RBFOX1: variants seen among roughly 807,000 people sequenced by gnomAD.
RBFOX1 encodes RNA binding fox-1 homolog 1.
Under a neutral mutation model 57.7 loss-of-function variants are expected in RBFOX1, and 8 were observed. The ratio of observed to expected loss-of-function variants is 0.14; its 90% CI spans 0.08 to 0.25. The LOEUF is 0.25. RBFOX1 is among the 10% of genes least tolerant of loss of function. RBFOX1 has a pLI of 1.00. For missense variants in RBFOX1, 611 were observed against 548.5 expected, an observed-to-expected ratio of 1.11 and a Z score of -1.14; for synonymous variants, 326 against 222.4, an observed-to-expected ratio of 1.47 and a Z score of -4.15.
chr16:5,982,459 A>G (rs2060193228), intron 4 of RBFOX1, among the ~76,000 whole-genome samples: 1 of 151,916 alleles, frequency 6.6e-6, no homozygotes, highest in Non-Finnish European at 1.5e-5. Flanking sequence ...ATTTTTTAGT[A>G]GAGAAGGGGT....
chr16:5,910,220 C>A (rs1269423457), intron 4 of RBFOX1, among the ~76,000 whole-genome samples: 1 of 152,070 alleles, frequency 6.6e-6, no homozygotes, highest in African/African-American at 2.4e-5. Flanking sequence ...GAGAAGGGAA[C>A]TAAAGTGGGT....
At chr16:6,351,298 G>A (rs1270666755) in intron 2 of RBFOX1, among the ~76,000 whole-genome samples, 1 of 141,022 alleles carries the variant, frequency 7.1e-6, no homozygotes, top group Non-Finnish European at 1.5e-5. Context: ...AAATAATATT[G>A]TATACATAAA....
intron 2 of RBFOX1, among the ~76,000 whole-genome samples, chr16:5,598,562 A>G (rs1164554403): frequency 6.6e-6 from 1 of 152,220 alleles, no homozygotes; most frequent in Admixed American, 6.5e-5. Flanking sequence ...ATGTCTTTCT[A>G]ACATGTAATC....
At chr16:6,632,993 A>C (rs561425938) in intron 2 of RBFOX1, among the ~76,000 whole-genome samples, 1 of 152,266 alleles carries the variant, frequency 6.6e-6, no homozygotes, top group African/African-American at 2.4e-5. Flanking sequence ...AAATAAATAT[A>C]AAAAGGAGAG....
At chr16:5,731,338 T>C (rs1404617807) in intron 3 of RBFOX1, among the ~76,000 whole-genome samples, 2 of 152,212 alleles carry the variant, frequency 1.3e-5, no homozygotes, top group African/African-American at 2.4e-5. Context: ...ACCACTACTG[T>C]AATCACCATC....
At chr16:6,538,131 A>G (rs2096760764) in intron 2 of RBFOX1, among the ~76,000 whole-genome samples, 1 of 152,144 alleles carries the variant, frequency 6.6e-6, no homozygotes, top group African/African-American at 2.4e-5. Context: ...TTAGATTCAC[A>G]ATGCTGTGCA....
intron 2 of RBFOX1, among the ~76,000 whole-genome samples, chr16:6,537,025 C>T (rs182288566): frequency 2.0e-5 from 3 of 152,248 alleles, no homozygotes; most frequent in African/African-American, 7.2e-5. Context: ...TACAGTCCTA[C>T]GTACGGTAGG....
intron 4 of RBFOX1, among the ~76,000 whole-genome samples, chr16:7,375,478 C>T (rs1400130731): frequency 1.9e-4 from 29 of 151,642 alleles, no homozygotes. Context: ...ATTGGGCTCC[C>T]ATGTGTTACG....
intron 1 of RBFOX1, among the ~76,000 whole-genome samples, chr16:5,260,288 A>T (rs1440467291): frequency 5.9e-5 from 9 of 152,214 alleles, no homozygotes; most frequent in Non-Finnish European, 1.3e-4. Flanking sequence ...GTACAAAAAG[A>T]GAGAGAAATC....
intron 3 of RBFOX1, among the ~76,000 whole-genome samples, chr16:7,041,036 C>T (rs1597776778): frequency 6.6e-6 from 1 of 151,742 alleles, no homozygotes; most frequent in African/African-American, 2.4e-5. Flanking sequence ...CTGCCTCAGC[C>T]CCCTGAGTAG....
At chr16:7,301,755 TAAAGG>T (rs1359391427) in intron 4 of RBFOX1, among the ~76,000 whole-genome samples, 3 of 151,504 alleles carry the variant, frequency 2.0e-5, no homozygotes, top group African/African-American at 7.3e-5. Context: ...GAAAAAAAAA[TAAAGG>T]AAAGCAGTGC....
In RBFOX1 at chr16:5,664,272, G is replaced by A. The variant is rs569646395; in HGVS notation, c.318+65311G>A. Among the ~76,000 whole-genome samples the A allele has an allele frequency of 2.0e-3, 301 of 152,242 alleles. 1 individual carries two copies. Among genetic ancestry groups the A allele is most frequent in the South Asian group, 5.4e-3 (26 of 4,816 alleles). On this transcript the variant is annotated intron_variant, in intron 3 of 19. Transcript: ENST00000641259. ...ACTCTTTAAAAGTGGATTCCTGGCC[G>A]GGCGCAGTGGCTCACGCCTATAATC...
At chr16:6,640,910 C>T (rs1161121773) in intron 2 of RBFOX1, among the ~76,000 whole-genome samples, 2 of 152,050 alleles carry the variant, frequency 1.3e-5, no homozygotes, top group Admixed American at 6.6e-5. Context: ...ACCAGAAACC[C>T]CAGGTAGGCT....
At chr16:6,719,072 G>A (rs1388123201) in intron 3 of RBFOX1, among the ~76,000 whole-genome samples, 1 of 151,982 alleles carries the variant, frequency 6.6e-6, no homozygotes, top group Non-Finnish European at 1.5e-5. Context: ...TTGCCATGTT[G>A]CCCAGGCTGG....
intron 3 of RBFOX1, among the ~76,000 whole-genome samples, chr16:6,695,413 C>CAAAAA (rs71145278): frequency 9.2e-5 from 10 of 109,086 alleles, no homozygotes; most frequent in Non-Finnish European, 1.4e-4. Context: ...GAAACTCTGT[C>CAAAAA]AAAAAAAAAA....
At chr16:7,042,452 A>T (rs2046488123) in intron 3 of RBFOX1, among the ~76,000 whole-genome samples, 1 of 152,212 alleles carries the variant, frequency 6.6e-6, no homozygotes, top group Non-Finnish European at 1.5e-5. Flanking sequence ...TCTGTGCCTC[A>T]GTTTTTCCAC....
chr16:6,898,740 A>T (rs960198675), intron 3 of RBFOX1, among the ~76,000 whole-genome samples: 1 of 152,002 alleles, frequency 6.6e-6, no homozygotes, highest in African/African-American at 2.4e-5. Flanking sequence ...ATACATGTGT[A>T]TGTGTCCATA....
intron 1 of RBFOX1, among the ~76,000 whole-genome samples, chr16:6,246,180 C>T (rs542187714): frequency 6.6e-6 from 1 of 152,166 alleles, no homozygotes; most frequent in South Asian, 2.1e-4. Context: ...GAATCAAATG[C>T]ATGACTCGTG....
chr16:6,343,204 A>T (rs562390999), intron 2 of RBFOX1, among the ~76,000 whole-genome samples: 2 of 152,242 alleles, frequency 1.3e-5, no homozygotes, highest in Admixed American at 6.5e-5. Flanking sequence ...ATGGCTTTTC[A>T]TTCTTATTCT....
Sources: gnomAD v4.1 joint callset for allele counts (sites outside exome capture counted in the v4.1 genomes callset) on GRCh38, gnomAD v4.1.1 for gene constraint, MANE v1.5 for transcripts, NCBI Gene and HGNC (gene_info 2026-07-23, HGNC 2026-07-21) for gene names.